Variants in USP37 observed in about 807,000 individuals in gnomAD.
The protein encoded by USP37 is ubiquitin carboxyl-terminal hydrolase 37.
In USP37, 27 loss-of-function variants were observed where a neutral mutation model predicts 124.0. The ratio of observed to expected loss-of-function variants is 0.22; its 90% CI spans 0.16 to 0.30. USP37 has a LOEUF of 0.30. Among genes scored for constraint, USP37 ranks in the 10% least tolerant of loss-of-function variants. The pLI, the probability that USP37 is intolerant of heterozygous loss-of-function variation, is 1.00. For missense variants in USP37, 889 were observed against 1,140.4 expected, an observed-to-expected ratio of 0.78 and a Z score of 3.17; for synonymous variants, 365 against 388.0, an observed-to-expected ratio of 0.94 and a Z score of 0.70.
chr2:218,472,468 C>CTTTT lies in USP37; in HGVS notation c.2299+2158_2299+2161dup, dbSNP rs1030968759. On this transcript the variant is annotated intron_variant, in intron 20 of 25. Coordinates refer to ENST00000258399, the MANE Select transcript of USP37 (RefSeq NM_020935.3). Reference sequence around the variant, plus strand: ...AGCACGTCAGCCTGAATCTCTCTCTCTTTTTTTTTTTTGAGACAGAGTTTT... The same window carrying CTTTT: ...AGCACGTCAGCCTGAATCTCTCTCTCTTTTTTTTTTTTTTTTGAGACAGAGTTTT... Among the ~76,000 whole-genome samples, 142 of 141,364 alleles carry CTTTT rather than the reference C, an allele frequency of 1.0e-3. 2 individuals are homozygous for CTTTT. In the South Asian group the frequency reaches 0.031, roughly 31 times the overall value. 92.7% of individuals were successfully genotyped at this position (141,364 alleles called of 152,430 possible). A position where few individuals can be genotyped will look rare whatever the true frequency, so the allele number is the denominator to read the frequency against.
At chr2:218,553,255 T>C (rs1035448420) in intron 5 of USP37, among the ~76,000 whole-genome samples, 4 of 152,234 alleles carry the variant, frequency 2.6e-5, no homozygotes, top group Admixed American at 6.5e-5. Context: ...AGTCGTTTCC[T>C]TCTACTCCTA....
intron 11 of USP37, among the ~76,000 whole-genome samples, chr2:218,502,556 C>G (rs185012391): frequency 6.6e-6 from 1 of 152,118 alleles, no homozygotes; most frequent in Admixed American, 6.6e-5. Context: ...TAGAAACCCA[C>G]AGATCCAAGA....
rs368512442 is a variant in USP37 at position 218,510,177 on chromosome 2, A to G, written c.864-37T>C. ...CATAAATAATGAAGAAGCAAAATAA[A>G]TTTTTGAATACTACTATTTTCCTTG... On this transcript the variant is annotated intron_variant, in intron 10 of 25. Transcript: ENST00000258399. The G allele has an allele frequency of 7.5e-5, 119 of 1,583,328 alleles. 1 individual carries two copies. Among genetic ancestry groups the G allele is most frequent in the Non-Finnish European group, 1.0e-4 (117 of 1,169,406 alleles).
At chr2:218,462,534 T>C (rs1238261225) in intron 22 of USP37, among the ~76,000 whole-genome samples, 2 of 152,166 alleles carry the variant, frequency 1.3e-5, no homozygotes, top group African/African-American at 4.8e-5. Flanking sequence ...ATGTGAACCT[T>C]ATGCTACTGA....
At chr2:218,541,994 G>A (rs552620746) in intron 8 of USP37, among the ~76,000 whole-genome samples, 1 of 152,268 alleles carries the variant, frequency 6.6e-6, no homozygotes, top group African/African-American at 2.4e-5. Context: ...CAGAGCCAGA[G>A]CAACTGGTAA....
At chr2:218,511,795 CTTTTCT>C (rs1293567379) in intron 10 of USP37, among the ~76,000 whole-genome samples, 62 of 23,492 alleles carry the variant, frequency 2.6e-3, no homozygotes, top group African/African-American at 8.1e-3. Context: ...TCAATTTTTT[CTTTTCT>C]TTTTTTTTTT....
chr2:218,489,076 G>A (rs1298702367), intron 14 of USP37, among the ~76,000 whole-genome samples: 1 of 151,986 alleles, frequency 6.6e-6, no homozygotes, highest in Non-Finnish European at 1.5e-5. Flanking sequence ...CAAGAAACAG[G>A]GCCAGGTGTG....
intron 16 of USP37, among the ~76,000 whole-genome samples, chr2:218,484,423 A>C (rs1260197866): frequency 6.6e-6 from 1 of 151,988 alleles, no homozygotes; most frequent in Non-Finnish European, 1.5e-5. Flanking sequence ...GGAGTTCAAG[A>C]CCAACCTGGT....
chr2:218,567,614 C>G (rs1211538008), intron 1 of USP37, among the ~76,000 whole-genome samples: 1 of 152,146 alleles, frequency 6.6e-6, no homozygotes, highest in Non-Finnish European at 1.5e-5. Flanking sequence ...GAGAGGAATA[C>G]CCCAAAACCA....
chr2:218,468,783 T>C (rs1165945318), intron 20 of USP37, among the ~76,000 whole-genome samples: 2 of 152,048 alleles, frequency 1.3e-5, no homozygotes, highest in African/African-American at 4.8e-5. Flanking sequence ...AACCTCCAAC[T>C]CCCGGGTTCA....
chr2:218,562,055 T>C (rs1693342525), intron 2 of USP37, among the ~76,000 whole-genome samples: 1 of 152,232 alleles, frequency 6.6e-6, no homozygotes, highest in Admixed American at 6.5e-5. Flanking sequence ...ATATAAAAGA[T>C]GTAGGACATA....
intron 5 of USP37, among the ~76,000 whole-genome samples, chr2:218,550,358 T>G (rs1692595069): frequency 6.6e-6 from 1 of 152,184 alleles, no homozygotes; most frequent in Non-Finnish European, 1.5e-5. Context: ...ATGGCTTCTA[T>G]TCTGAAGAAA....
At chr2:218,512,190 A>G (rs542445007) in intron 10 of USP37, among the ~76,000 whole-genome samples, 8 of 152,258 alleles carry the variant, frequency 5.3e-5, no homozygotes, top group African/African-American at 1.7e-4. Context: ...CCTGGTCAAC[A>G]TATCAAGACA....
intron 8 of USP37, among the ~76,000 whole-genome samples, chr2:218,537,757 A>T (rs1329162127): frequency 6.6e-6 from 1 of 152,112 alleles, no homozygotes; most frequent in Non-Finnish European, 1.5e-5. Context: ...ACCAACTTAA[A>T]GGACAAAGAC....
chr2:218,509,608 C>T (rs1423815505), intron 11 of USP37, among the ~76,000 whole-genome samples: 8 of 151,916 alleles, frequency 5.3e-5, no homozygotes, highest in South Asian at 2.1e-4. Flanking sequence ...AAGATAGCTA[C>T]TATAATTACT....
At chr2:218,500,252 C>CATTTATTT (rs1012776317) in intron 11 of USP37, among the ~76,000 whole-genome samples, 1 of 151,174 alleles carries the variant, frequency 6.6e-6, no homozygotes, top group Non-Finnish European at 1.5e-5. Context: ...TGTTTGTATT[C>CATTTATTT]ATTTATTTAT....
intron 21 of USP37, among the ~76,000 whole-genome samples, chr2:218,464,835 C>T: frequency 6.6e-6 from 1 of 152,154 alleles, no homozygotes; most frequent in Non-Finnish European, 1.5e-5. Context: ...ATAATCCCAG[C>T]ACTTTGGGAG....
intron 21 of USP37, among the ~76,000 whole-genome samples, chr2:218,464,795 G>C (rs1452027523): frequency 2.0e-5 from 3 of 152,192 alleles, no homozygotes; most frequent in Non-Finnish European, 2.9e-5. Flanking sequence ...AAAGAAAAGA[G>C]CAAGGGCTGG....
At chr2:218,517,203 T>C (rs1361684027) in intron 10 of USP37, among the ~76,000 whole-genome samples, 1 of 152,238 alleles carries the variant, frequency 6.6e-6, no homozygotes, top group Non-Finnish European at 1.5e-5. Flanking sequence ...TAACTCCATT[T>C]AATTATTCTG....
Sources: gnomAD v4.1 joint callset for allele counts (sites outside exome capture counted in the v4.1 genomes callset) on GRCh38, gnomAD v4.1.1 for gene constraint, MANE v1.5 for transcripts, NCBI Gene and HGNC (gene_info 2026-07-23, HGNC 2026-07-21) for gene names.